GABRG3: variants seen among roughly 807,000 people sequenced by gnomAD.
GABRG3 encodes gamma-aminobutyric acid receptor subunit gamma-3.
A neutral mutation model predicts 48.8 loss-of-function variants in GABRG3; 25 were observed. The observed-to-expected ratio is 0.51, with a 90% confidence interval of 0.37 to 0.72. The LOEUF is 0.72. Among genes scored for constraint, GABRG3 ranks in the 30% least tolerant of loss-of-function variants. The probability of loss-of-function intolerance (pLI) is 0.00; values close to 1 mark genes in which losing one functional copy is unlikely to be tolerated. For synonymous variants in GABRG3, 227 were observed against 217.6 expected, an observed-to-expected ratio of 1.04 and a Z score of -0.38; for missense variants, 394 against 577.9, an observed-to-expected ratio of 0.68 and a Z score of 3.26.
intron 3 of GABRG3, among the ~76,000 whole-genome samples, chr15:27,048,124 G>C (rs59934046): frequency 0.017 from 2,615 of 152,202 alleles, 77 homozygotes; most frequent in African/African-American, 0.061. Context: ...CCAGCAAGGG[G>C]TGCTGCAGGG....
intron 5 of GABRG3, among the ~76,000 whole-genome samples, chr15:27,336,237 G>GAGAGAGAGAGAA (rs1566792015): frequency 2.8e-5 from 4 of 143,424 alleles, no homozygotes; most frequent in African/African-American, 1.1e-4. Flanking sequence ...AGAGAGAGGA[G>GAGAGAGAGAGAA]AAGAAAAGAA....
At chr15:27,297,880 A>G (rs980015339) in intron 3 of GABRG3, among the ~76,000 whole-genome samples, 1 of 151,820 alleles carries the variant, frequency 6.6e-6, no homozygotes, top group African/African-American at 2.4e-5. Context: ...GTAAAGTTCT[A>G]TATTCCACTT....
rs192894822 is a variant in GABRG3 at position 26,976,436 on chromosome 15, T to A, written c.54-566T>A. Among the ~76,000 whole-genome samples the A allele has an allele frequency of 1.3e-5, 2 of 152,294 alleles. No individual in the cohort carries two copies. The highest frequency in any genetic ancestry group is 4.8e-5 in the African/African-American group (2 of 41,568). On this transcript the variant is annotated intron_variant, in intron 1 of 9. Transcript: ENST00000615808. The surrounding 1 kb of genome is among the most constrained non-coding windows in gnomAD (Gnocchi z 7.8). ...CGAACATCGCTGTCCTTGCCTCCAA[T>A]CTGAGTGCCGGCAAAGCAGACCCCC...
chr15:27,029,155 G>A (rs1041353395), intron 3 of GABRG3, among the ~76,000 whole-genome samples: 13 of 152,188 alleles, frequency 8.5e-5, no homozygotes, highest in African/African-American at 3.1e-4. Flanking sequence ...AGTCCAGTTG[G>A]TTTTCTTTCT....
chr15:27,519,027 T>C (rs1228542100), intron 6 of GABRG3, among the ~76,000 whole-genome samples: 1 of 152,128 alleles, frequency 6.6e-6, no homozygotes, highest in Non-Finnish European at 1.5e-5. Flanking sequence ...GGTGGCTTTT[T>C]GGTTTCCTCT....
At chr15:27,111,934 G>A (rs1285470587) in intron 3 of GABRG3, among the ~76,000 whole-genome samples, 1 of 144,674 alleles carries the variant, frequency 6.9e-6, no homozygotes, top group African/African-American at 2.5e-5. Flanking sequence ...TCATGGAGAA[G>A]GTTCTATGAA....
chr15:27,209,010 C>T (rs1417095146), intron 3 of GABRG3, among the ~76,000 whole-genome samples: 2 of 152,178 alleles, frequency 1.3e-5, no homozygotes, highest in Admixed American at 6.5e-5. Context: ...CTGAGCCTGG[C>T]GGACCTTGTT....
intron 2 of GABRG3, among the ~76,000 whole-genome samples, chr15:26,999,462 C>T (rs747110399): frequency 3.9e-5 from 6 of 152,190 alleles, no homozygotes; most frequent in Non-Finnish European, 7.4e-5. Context: ...GAAGAATCTG[C>T]GGTCATAGTT....
At chr15:27,340,235 C>T (rs1335032393) in intron 5 of GABRG3, among the ~76,000 whole-genome samples, 6 of 151,994 alleles carry the variant, frequency 3.9e-5, no homozygotes, top group African/African-American at 1.2e-4. Context: ...TGGGCAGGAG[C>T]GGGTGCGAGG....
chr15:27,398,137 T>C (rs909741526), intron 5 of GABRG3, among the ~76,000 whole-genome samples: 1 of 152,156 alleles, frequency 6.6e-6, no homozygotes, highest in Non-Finnish European at 1.5e-5. Context: ...ATCTATACCA[T>C]TTATAAATGT....
At chr15:27,462,141 T>C (rs1889469229) in intron 5 of GABRG3, among the ~76,000 whole-genome samples, 1 of 152,056 alleles carries the variant, frequency 6.6e-6, no homozygotes, top group Non-Finnish European at 1.5e-5. Flanking sequence ...AGTCCTCATC[T>C]CCTTCCGGGT....
At position 27,370,106 on chromosome 15, in the gene GABRG3, C is replaced by T. The variant is rs115215404; in HGVS notation, c.574+41218C>T. ...ATATGCCTTTAATGGAATTCAGCAG[C>T]AAATGCATTGAAAGCAGCATGCTTC... On this transcript the variant is annotated intron_variant, in intron 5 of 9. Transcript: ENST00000615808. Among the ~76,000 whole-genome samples the T allele has an allele frequency of 5.0e-3, 756 of 152,310 alleles. 7 individuals carry two copies. The highest frequency in any genetic ancestry group is 0.018 in the African/African-American group (730 of 41,566).
rs142220351 is a variant in GABRG3, at chr15:27,095,477, A to T, written c.270+68656A>T. 3.5e-3 allele frequency among the ~76,000 whole-genome samples: 432 copies of T among 124,666 alleles called. 4 individuals carry two copies. The highest frequency in any genetic ancestry group is 0.012 in the African/African-American group (424 of 35,304). 81.8% of individuals were successfully genotyped at this position (124,666 alleles called of 152,430 possible). On this transcript the variant is annotated intron_variant, in intron 3 of 9. Transcript: ENST00000615808. ...TGTGTAGGTCTCGGTCTCCACATAG[A>T]TGCTGGCGAATGTGCTGGAAGGTGT...
rs568420286 is a variant in GABRG3, at chr15:26,996,888, G to A, written c.202+19738G>A. Among the ~76,000 whole-genome samples, 38 of 152,150 alleles carry A rather than the reference G, an allele frequency of 2.5e-4. No individual in the cohort carries two copies. In the South Asian group the frequency reaches 6.9e-3, roughly 27 times the overall value. On this transcript the variant is annotated intron_variant, in intron 2 of 9. Transcript: ENST00000615808. ...AGGATGGTTGCAATCTCCTGAACTC[G>A]TGATCAGCCCTCCTCGGCCTCCCAA... is the stretch of plus-strand genomic sequence containing the variant.
chr15:27,238,382 A>G (rs1371565410), intron 3 of GABRG3, among the ~76,000 whole-genome samples: 1 of 152,234 alleles, frequency 6.6e-6, no homozygotes, highest in Non-Finnish European at 1.5e-5. Context: ...CGGCTGCCTT[A>G]GCTGGAGGGA....
chr15:27,139,020 TAGACAGACAGAC>T (rs369260047), intron 3 of GABRG3, among the ~76,000 whole-genome samples: 1 of 151,768 alleles, frequency 6.6e-6, no homozygotes, highest in East Asian at 1.9e-4. Context: ...GATAGATAGA[TAGACAGACAGAC>T]AGACAGACAG....
chr15:27,382,813 G>A, intron 5 of GABRG3, among the ~76,000 whole-genome samples: 1 of 152,050 alleles, frequency 6.6e-6, no homozygotes, highest in Non-Finnish European at 1.5e-5. Context: ...TGTTTACAGA[G>A]ATGAGGACCA....
rs535816597 is a variant in GABRG3, at chr15:27,448,397, G to A, written c.575-32253G>A. ...GACATGGCATGGAAGAATACAAGGA[G>A]GAATCACGTGTAAATGCAACCCATT... On this transcript the variant is annotated intron_variant, in intron 5 of 9. Transcript: ENST00000615808. 1.7e-4 allele frequency among the ~76,000 whole-genome samples: 26 copies of A among 152,268 alleles called. No individual in the cohort carries two copies. The East Asian group carries it at 3.7e-3, about 21-fold the overall frequency.
chr15:27,158,946 A>G (rs914319305), intron 3 of GABRG3, among the ~76,000 whole-genome samples: 2 of 152,052 alleles, frequency 1.3e-5, no homozygotes, highest in African/African-American at 4.8e-5. Flanking sequence ...CACACTGCCC[A>G]CCTGTTTCCA....
Sources: gnomAD v4.1 joint callset for allele counts (sites outside exome capture counted in the v4.1 genomes callset) on GRCh38, gnomAD v4.1.1 for gene constraint, Gnocchi (gnomAD v3.1) non-coding constraint, MANE v1.5 for transcripts, NCBI Gene and HGNC (gene_info 2026-07-23, HGNC 2026-07-21) for gene names.